The following B3GALT5 variants were observed in gnomAD, a reference collection of about 807,000 sequenced individuals.
B3GALT5 encodes the protein beta-1,3-galactosyltransferase 5.
For missense variants in B3GALT5, 328 were observed against 396.6 expected (o/e 0.83, Z 1.47); for synonymous variants, 156 against 158.6 (o/e 0.98, Z 0.12).
intron 2 of B3GALT5, among the ~76,000 whole-genome samples, chr21:39,652,717 A>G (rs1477934069): frequency 6.6e-6 from 1 of 152,242 alleles, no homozygotes; most frequent in East Asian, 1.9e-4. Flanking sequence ...TCACAGTTTG[A>G]TCAAGGATCC....
intron 2 of B3GALT5, among the ~76,000 whole-genome samples, chr21:39,658,503 C>A (rs1037506291): frequency 6.6e-6 from 1 of 152,070 alleles, no homozygotes; most frequent in Non-Finnish European, 1.5e-5. Context: ...ATGTTTCTCT[C>A]TAAAATGTAT....
intron 1 of B3GALT5, among the ~76,000 whole-genome samples, chr21:39,628,776 T>C (rs971514460): frequency 6.6e-6 from 1 of 152,234 alleles, no homozygotes; most frequent in African/African-American, 2.4e-5. Context: ...ATGGTCTAGA[T>C]TATGACCTGA....
At position 39,661,386 on chromosome 21, in the gene B3GALT5, G is replaced by T. The variant is rs1226005362; in HGVS notation, c.827G>T (p.Cys276Phe). 3 of 1,590,294 alleles carry T rather than the reference G, an allele frequency of 1.9e-6. No homozygotes were observed. Among genetic ancestry groups the T allele is most frequent in the Non-Finnish European group, 2.6e-6 (3 of 1,168,846 alleles). Reference protein sequence around the residue: ...FFPGGLRFSVCLFRRIVACHF... With the variant: ...FFPGGLRFSVFLFRRIVACHF... The stretch of plus-strand genomic sequence containing the variant: ...CCAGGGGGCTTACGCTTCTCCGTAT[G>T]CCTCTTCAGGAGGATCGTGGCCTGC... Residue 276 changes from cysteine to phenylalanine, a missense_variant, in exon 4 of 4, where the codon TGC (cysteine) becomes TTC (phenylalanine). Coordinates refer to ENST00000684187, the MANE Select transcript of B3GALT5 (RefSeq NM_001356336.2). The surrounding 1 kb of genome is among the most constrained non-coding windows in gnomAD (Gnocchi z 4.7).
intron 1 of B3GALT5, among the ~76,000 whole-genome samples, chr21:39,631,395 C>T (rs1442148297): frequency 1.3e-5 from 2 of 152,150 alleles, no homozygotes; most frequent in African/African-American, 2.4e-5. Context: ...CTGTGTGTGC[C>T]TGTCTGTGTC....
At chr21:39,659,689 A>G (rs1308895293) in intron 2 of B3GALT5, 64 bp from the exon 3 acceptor site, 1 of 932,146 alleles carries the variant, frequency 1.1e-6, no homozygotes, top group Non-Finnish European at 1.3e-6. Context: ...GACACGGTAA[A>G]TTGTGAAGGC....
rs2079628280 is a variant in B3GALT5 at position 39,671,517 on chromosome 21, A to G, written c.*10025A>G. 6.6e-6 allele frequency: 1 copy of G among 152,192 alleles called. No homozygotes were observed. The highest frequency in any genetic ancestry group is 1.5e-5 in the Non-Finnish European group (1 of 68,032). The allele number at this position is 152,192 out of a possible 1,614,324, so 9.4% of individuals were successfully genotyped here. Reference sequence around the variant, plus strand: ...CACCCACAAGGCAACTCCCATCACAAGAAAGAATGGTGGCCTGGGAGTGAG... The same window carrying G: ...CACCCACAAGGCAACTCCCATCACAGGAAAGAATGGTGGCCTGGGAGTGAG... On this transcript the variant is annotated 3_prime_UTR_variant, in exon 4 of 4. Transcript: ENST00000684187.
rs977504159 is a variant in B3GALT5, at chr21:39,672,414, C to T, written c.*10922C>T. 2.0e-5 allele frequency: 3 copies of T among 152,170 alleles called. No homozygotes were observed. The highest frequency in any genetic ancestry group is 4.4e-5 in the Non-Finnish European group (3 of 68,042). The allele number at this position is 152,170 out of a possible 1,614,324, so 9.4% of individuals were successfully genotyped here. A position where few individuals can be genotyped will look rare whatever the true frequency, so the allele number is the denominator to read the frequency against. ...ACTTCGCAGTCAAATTTTGCTTTTC[C>T]TAAAAGACACGAAATTAAATTTACA... On this transcript the variant is annotated 3_prime_UTR_variant, in exon 4 of 4. Transcript: ENST00000684187.
Position 39,649,027 on chromosome 21 carries a change from G to A in B3GALT5, c.-161+2405G>A, listed in dbSNP as rs188828917. On this transcript the variant is annotated intron_variant, in intron 2 of 3. Transcript: ENST00000684187. ...GCCACCCAGTGTGTGGCATTTTGTC[G>A]TGGCTGCCCGAGGTGACTAAGACAA... Among the ~76,000 whole-genome samples the A allele has an allele frequency of 9.5e-4, 145 of 152,316 alleles. 1 individual carries two copies. The highest frequency in any genetic ancestry group is 3.3e-3 in the African/African-American group (137 of 41,572).
chr21:39,661,532 C>A lies in B3GALT5; in HGVS notation c.*40C>A. Reference sequence around the variant, plus strand: ...CACATCCGGACAAGTTTCAGATAACCCGTGGGGATAGTTTTTGCTAGATTT... The same window carrying A: ...CACATCCGGACAAGTTTCAGATAACACGTGGGGATAGTTTTTGCTAGATTT... On this transcript the variant is annotated 3_prime_UTR_variant, in exon 4 of 4. Transcript: ENST00000684187. The surrounding 1 kb of genome is among the most constrained non-coding windows in gnomAD (Gnocchi z 4.7). 6.8e-7 allele frequency: 1 copy of A among 1,471,660 alleles called. No homozygotes were observed. The highest frequency in any genetic ancestry group is 1.6e-5 in the South Asian group (1 of 63,752). 91.2% of individuals were successfully genotyped at this position (1,471,660 alleles called of 1,614,324 possible).
chr21:39,624,835 C>G (rs1243797223), intron 1 of B3GALT5, among the ~76,000 whole-genome samples: 1 of 151,208 alleles, frequency 6.6e-6, no homozygotes, highest in African/African-American at 2.4e-5. Context: ...ATAAAATCAC[C>G]TCGTCCAAGG....
At position 39,664,645 on chromosome 21, in the gene B3GALT5, C is replaced by T. The variant is rs879937844; in HGVS notation, c.*3153C>T. The T allele has an allele frequency of 6.6e-6, 1 of 152,272 alleles. No individual in the cohort carries two copies. The highest frequency in any genetic ancestry group is 1.5e-5 in the Non-Finnish European group (1 of 68,110). The allele number at this position is 152,272 out of a possible 1,614,324, so 9.4% of individuals were successfully genotyped here. ...TGTCTGTTGCCTCGTCCTAATCCTTCCCTTCTTTCCCAAATGCCGTCTCAT... is the reference window on the plus strand; with the variant it reads ...TGTCTGTTGCCTCGTCCTAATCCTTTCCTTCTTTCCCAAATGCCGTCTCAT... On this transcript the variant is annotated 3_prime_UTR_variant, in exon 4 of 4. Transcript: ENST00000684187.
intron 1 of B3GALT5, among the ~76,000 whole-genome samples, chr21:39,635,343 A>G (rs137945648): frequency 7.2e-5 from 11 of 152,276 alleles, no homozygotes; most frequent in Admixed American, 3.9e-4. Flanking sequence ...GGATGATCCT[A>G]TGGTGGGATG....
chr21:39,613,158 G>A (rs2079089493), intron 1 of B3GALT5, 91 bp downstream of exon 1: 1 of 149,924 alleles, frequency 6.7e-6, no homozygotes. Context: ...TGGGTGCCGG[G>A]CGCAGGGGAC....
At chr21:39,627,913 A>G (rs562044988) in intron 1 of B3GALT5, among the ~76,000 whole-genome samples, 3 of 152,228 alleles carry the variant, frequency 2.0e-5, no homozygotes, top group Non-Finnish European at 4.4e-5. Context: ...TACTGGTATT[A>G]TAACTATATG....
chr21:39,639,335 TTTCTTTCTTTC>T, intron 1 of B3GALT5, among the ~76,000 whole-genome samples: 1 of 118,306 alleles, frequency 8.5e-6, no homozygotes, highest in Non-Finnish European at 1.8e-5. Flanking sequence ...TCTTTCTTTC[TTTCTTTCTTTC>T]TTTCCTTCCT....
chr21:39,642,063 T>C (rs558792771), intron 1 of B3GALT5, among the ~76,000 whole-genome samples: 1 of 152,338 alleles, frequency 6.6e-6, no homozygotes, highest in African/African-American at 2.4e-5. Context: ...TGTAGTACCT[T>C]GCTCCGTAAC....
At chr21:39,626,592 C>A (rs561502321) in intron 1 of B3GALT5, among the ~76,000 whole-genome samples, 1 of 152,010 alleles carries the variant, frequency 6.6e-6, no homozygotes, top group Non-Finnish European at 1.5e-5. Flanking sequence ...TGCCAACATT[C>A]GTTATTTTCT....
chr21:39,639,435 T>TC (rs1312325133), intron 1 of B3GALT5, among the ~76,000 whole-genome samples: 13 of 110,806 alleles, frequency 1.2e-4, no homozygotes, highest in African/African-American at 3.9e-4. Context: ...TTTCTTTCTT[T>TC]CTTTCTTTCT....
At chr21:39,652,314 G>A (rs2079403638) in intron 2 of B3GALT5, among the ~76,000 whole-genome samples, 1 of 152,240 alleles carries the variant, frequency 6.6e-6, no homozygotes, top group East Asian at 1.9e-4. Context: ...AACTGGATGG[G>A]TGGTGGGCAG....
Sources: gnomAD v4.1 joint callset for allele counts (sites outside exome capture counted in the v4.1 genomes callset) on GRCh38, gnomAD v4.1.1 for gene constraint, Gnocchi (gnomAD v3.1) non-coding constraint, MANE v1.5 for transcripts, NCBI Gene and HGNC (gene_info 2026-07-23, HGNC 2026-07-21) for gene names.